The following AKAP17A variants were observed in gnomAD, a reference collection of about 807,000 sequenced individuals.
AKAP17A encodes A-kinase anchor protein 17A.
Under a neutral mutation model 52.2 loss-of-function variants are expected in AKAP17A, and 15 were observed. The observed-to-expected ratio is 0.29, with a 90% CI of 0.19 to 0.44. The LOEUF (loss-of-function observed/expected upper bound fraction) is 0.44. Among genes scored for constraint, AKAP17A ranks in the 20% least tolerant of loss-of-function variants. The pLI, the probability that AKAP17A is intolerant of heterozygous loss-of-function variation, is 1.00. For synonymous variants in AKAP17A, 514 were observed against 424.7 expected (o/e 1.21, Z -2.58); for missense variants, 1,060 against 1,007.0 (o/e 1.05, Z -0.71).
intron 3 of AKAP17A, 74 bp from the exon 4 acceptor site, chrX:1,599,118 G>C (rs1244645784): frequency 1.3e-6 from 2 of 1,565,580 alleles, no homozygotes; most frequent in Admixed American, 3.8e-5. Context: ...GCCGTGTTTG[G>C]AAAGCCGCTT....
At chrX:1,597,321 G>C (rs1321593038) in intron 3 of AKAP17A, among the ~76,000 whole-genome samples, 1 of 152,172 alleles carries the variant, frequency 6.6e-6, no homozygotes, top group Non-Finnish European at 1.5e-5. Flanking sequence ...GTGTGTAAGC[G>C]AGTGGCCGTG....
intron 3 of AKAP17A, among the ~76,000 whole-genome samples, chrX:1,596,045 G>C (rs1412306186): frequency 6.6e-6 from 1 of 152,050 alleles, no homozygotes; most frequent in Non-Finnish European, 1.5e-5. Flanking sequence ...GTCGTGGTCT[G>C]ACACGATCTC....
At chrX:1,592,316 G>T (rs1932852549) in intron 1 of AKAP17A, among the ~76,000 whole-genome samples, 1 of 152,000 alleles carries the variant, frequency 6.6e-6, no homozygotes, top group African/African-American at 2.4e-5. Flanking sequence ...CCTGCCAGGG[G>T]TGCCAGCGGC....
At chrX:1,600,393 G>C (rs1302593467) in intron 4 of AKAP17A, 1 of 623,266 alleles carries the variant, frequency 1.6e-6, no homozygotes, top group African/African-American at 1.8e-5. Flanking sequence ...GGCCCGCCCT[G>C]GGGCTGCGCC....
In AKAP17A at chrX:1,595,234, TCTGCACCGGACATGAGTGGTGAGCGG is replaced by T; in HGVS notation, c.763-149_763-124del. 163 of 182,074 alleles carry T rather than the reference TCTGCACCGGACATGAGTGGTGAGCGG, an allele frequency of 9.0e-4. 45 individuals carry two copies. The highest frequency in any genetic ancestry group is 2.1e-3 in the East Asian group (10 of 4,714). The allele number at this position is 182,074 out of a possible 1,614,324, so 11.3% of individuals were successfully genotyped here. A position where few individuals can be genotyped will look rare whatever the true frequency, so the allele number is the denominator to read the frequency against. ...TGGCTTCTGGGCTCCACTGTCTGGG[TCTGCACCGGACATGAGTGGTGAGCGG>T]TGAGCGGTGAGCGGGCGCTCAGGCT... On this transcript the variant is annotated intron_variant, in intron 2 of 4. Transcript: ENST00000313871.
chrX:1,597,229 C>A (rs1392481537), intron 3 of AKAP17A, among the ~76,000 whole-genome samples: 3 of 152,184 alleles, frequency 2.0e-5, no homozygotes, highest in Non-Finnish European at 4.4e-5. Context: ...CTTTACGTAG[C>A]CCCCGTTGCC....
chrX:1,597,466 G>A (rs1218576234), intron 3 of AKAP17A, among the ~76,000 whole-genome samples: 16 of 152,060 alleles, frequency 1.1e-4, no homozygotes, highest in African/African-American at 3.9e-4. Flanking sequence ...TGGGAGGGGC[G>A]GTTCGGATGT....
At chrX:1,594,317 A>T in intron 2 of AKAP17A, 93 bp downstream of exon 2, 2 of 1,397,404 alleles carry the variant, frequency 1.4e-6, no homozygotes, top group Non-Finnish European at 1.9e-6. Context: ...CACACCCCTG[A>T]GGCTGTGGGG....
intron 4 of AKAP17A, chrX:1,599,900 C>A: frequency 3.6e-6 from 2 of 553,092 alleles, no homozygotes; most frequent in South Asian, 4.0e-5. Context: ...GTCCCTCCTC[C>A]GCAGCGTGAA....
rs1198953606 is a variant in AKAP17A at position 1,601,968 on chromosome X, C to T, written c.*374C>T. The T allele has an allele frequency of 2.6e-5, 6 of 228,258 alleles. No homozygotes were observed. The highest frequency in any genetic ancestry group is 2.6e-4 in the East Asian group (3 of 11,750). 14.1% of individuals were successfully genotyped at this position (228,258 alleles called of 1,614,324 possible). ...CTGCTTGGCGACCTCCCTGCGTGCA[C>T]GGCCTAGGAGGTGCACGGGCCACCA... is the stretch of plus-strand genomic sequence containing the variant. On this transcript the variant is annotated 3_prime_UTR_variant, in exon 5 of 5. Coordinates refer to ENST00000313871, the MANE Select transcript of AKAP17A (RefSeq NM_005088.3).
chrX:1,594,650 G>A lies in AKAP17A; in HGVS notation c.762+426G>A, dbSNP rs1482864220. On this transcript the variant is annotated intron_variant, in intron 2 of 4. Transcript: ENST00000313871. ...TATTTTTTTTTCGAGGCAGAGTCTCGATCTGTTTCCTGGACTGGAGTGCAG... is the reference window on the plus strand; with the variant it reads ...TATTTTTTTTTCGAGGCAGAGTCTCAATCTGTTTCCTGGACTGGAGTGCAG... Among the ~76,000 whole-genome samples the A allele has an allele frequency of 7.3e-5, 11 of 150,018 alleles. No homozygotes were observed. In the South Asian group the frequency reaches 8.4e-4, roughly 11 times the overall value.
intron 3 of AKAP17A, among the ~76,000 whole-genome samples, chrX:1,597,770 GTC>G (rs201290891): frequency 0.014 from 2,065 of 152,164 alleles, 45 homozygotes; most frequent in African/African-American, 0.047. Context: ...AGTGGAGTGT[GTC>G]TCTGCAGGGA....
At position 1,599,202 on chromosome X, in the gene AKAP17A, G is replaced by C. The variant is rs1933205307; in HGVS notation, c.922G>C (p.Glu308Gln). 8 of 1,611,778 alleles carry C rather than the reference G, an allele frequency of 5.0e-6. No homozygotes were observed. In the South Asian group the frequency reaches 6.6e-5, roughly 13 times the overall value. Residue 308 changes from glutamate to glutamine, a missense_variant, in exon 4 of 5, where the codon GAG becomes CAG. Around this residue, in one of 2 missense-constraint regions of AKAP17A, gnomAD observed 793 missense variants for 629.9 expected, o/e 1.26. Transcript: ENST00000313871. The part of the protein sequence containing the change: ...RQRAEERKQK[E>Q]LEELERERKR... ...GTGTGTTCCACACAGGAAACAAAAGGAGCTGGAAGAGCTGGAGCGAGAGAG... is the reference window on the plus strand; with the variant it reads ...GTGTGTTCCACACAGGAAACAAAAGCAGCTGGAAGAGCTGGAGCGAGAGAG...
In AKAP17A at chrX:1,600,664, GA is replaced by G; in HGVS notation, c.1160del (p.Lys387SerfsTer12). The G allele has an allele frequency of 6.5e-7, 1 of 1,538,016 alleles. No individual in the cohort carries two copies. ...AELLSRAKAV[K>X]LREQEQKEEK... The stretch of plus-strand genomic sequence containing the variant: ...CACTTTCCTCTTCCCCGCAGGCTGT[GA>G]AGCTACGGGAACAGGAGCAGAAGGA... On this transcript the variant is annotated frameshift_variant, in exon 5 of 5. Coordinates refer to ENST00000313871, the MANE Select transcript of AKAP17A (RefSeq NM_005088.3). LOFTEE classifies it high-confidence loss of function.
At chrX:1,600,224 C>G (rs1324042772) in intron 4 of AKAP17A, 7 of 1,315,396 alleles carry the variant, frequency 5.3e-6, no homozygotes, top group South Asian at 2.5e-5. Flanking sequence ...ATTGAAGACA[C>G]TAACCCAGGC....
At position 1,600,867 on chromosome X, in the gene AKAP17A, A is replaced by C; in HGVS notation, c.1361A>C (p.Asp454Ala). 1 of 1,588,820 alleles carries C rather than the reference A, an allele frequency of 6.3e-7. No homozygotes were observed. Among genetic ancestry groups the C allele is most frequent in the Non-Finnish European group, 8.5e-7 (1 of 1,171,844 alleles). ...AAGCCGGACGACAGCCACACACACG[A>C]CGAGCTGGGCGTGGCACACGCCGAC... ...SKKPDDSHTHDELGVAHADLL... is the reference protein window; with the variant it reads ...SKKPDDSHTHAELGVAHADLL... Residue 454 changes from aspartate to alanine, a missense_variant, in exon 5 of 5, where the codon GAC becomes GCC. Transcript: ENST00000313871.
At chrX:1,596,459 A>C (rs1164742121) in intron 3 of AKAP17A, among the ~76,000 whole-genome samples, 8 of 77,662 alleles carry the variant, frequency 1.0e-4, no homozygotes, top group East Asian at 7.8e-4. Flanking sequence ...CATCCCTCCC[A>C]CCCTCCTAGT....
At chrX:1,592,898 G>A (rs751296848) in intron 1 of AKAP17A, among the ~76,000 whole-genome samples, 4 of 152,280 alleles carry the variant, frequency 2.6e-5, no homozygotes, top group Admixed American at 2.6e-4. Context: ...GGCCTTCGTG[G>A]AGATTACTAG....
At chrX:1,592,111 C>A (rs1379012842) in intron 1 of AKAP17A, among the ~76,000 whole-genome samples, 1 of 151,522 alleles carries the variant, frequency 6.6e-6, no homozygotes, top group Admixed American at 6.6e-5. Context: ...GACTAGGAGG[C>A]CTGGGACTAG....
Sources: allele counts gnomAD v4.1 joint callset (sites outside exome capture counted in the v4.1 genomes callset), GRCh38; gene constraint gnomAD v4.1.1; regional missense constraint gnomAD v4.1.1; transcripts MANE v1.5; gene names NCBI Gene and HGNC (gene_info 2026-07-23, HGNC 2026-07-21).